The following FRMD3 variants were observed in gnomAD, a reference collection of about 807,000 sequenced individuals.
FRMD3 encodes the protein FERM domain containing 3, also known as FERM domain-containing protein 3.
FRMD3 carries 33 observed loss-of-function variants against 70.2 expected under a neutral mutation model. The ratio of observed to expected loss-of-function variants is 0.47; its 90% CI spans 0.36 to 0.63. The LOEUF (loss-of-function observed/expected upper bound fraction) is 0.63, where lower values mean the gene tolerates loss of function less well. Ranked by LOEUF, FRMD3 falls within the 20% of genes least tolerant of loss-of-function variation. The probability of loss-of-function intolerance (pLI) is 0.00; values close to 1 mark genes in which losing one functional copy is unlikely to be tolerated. For missense variants in FRMD3, 632 were observed against 711.4 expected (o/e 0.89, Z 1.27); for synonymous variants, 279 against 255.9 (o/e 1.09, Z -0.86).
chr9:83,545,770 G>T, the FRMD3 span, among the ~76,000 whole-genome samples: 1 of 152,084 alleles, frequency 6.6e-6, no homozygotes, highest in Non-Finnish European at 1.5e-5. Context: ...TTAAAAGTTT[G>T]GAAAACCTAT....
intron 1 of FRMD3, among the ~76,000 whole-genome samples, chr9:83,482,569 T>C (rs940751542): frequency 6.6e-6 from 1 of 152,148 alleles, no homozygotes; most frequent in African/African-American, 2.4e-5. Flanking sequence ...GTCAGTAAGA[T>C]AAGAAATGCA....
chr9:83,304,388 A>T (rs1361901021), intron 10 of FRMD3, among the ~76,000 whole-genome samples: 1 of 152,138 alleles, frequency 6.6e-6, no homozygotes, highest in Admixed American at 6.5e-5. Context: ...ACCGCACAGT[A>T]TCCCCTGGAA....
At chr9:83,546,056 T>C in the FRMD3 span, among the ~76,000 whole-genome samples, 28 of 149,692 alleles carry the variant, frequency 1.9e-4, no homozygotes, top group African/African-American at 6.7e-4. Flanking sequence ...CTATTTTCAG[T>C]CTTCAAAAAA....
intron 1 of FRMD3, among the ~76,000 whole-genome samples, chr9:83,524,034 T>C (rs1166097972): frequency 2.0e-5 from 3 of 152,228 alleles, no homozygotes; most frequent in African/African-American, 7.2e-5. Context: ...TGCCTAAGCC[T>C]TCAAAACAGA....
At chr9:83,382,463 T>C (rs1825387079) in intron 2 of FRMD3, among the ~76,000 whole-genome samples, 2 of 152,196 alleles carry the variant, frequency 1.3e-5, no homozygotes, top group African/African-American at 4.8e-5. Flanking sequence ...ATTAGTATCC[T>C]TATTTAATAG....
At chr9:83,476,221 TAAAAATAC>T (rs1346409279) in intron 1 of FRMD3, among the ~76,000 whole-genome samples, 58 of 151,980 alleles carry the variant, frequency 3.8e-4, no homozygotes, top group African/African-American at 1.2e-3. Context: ...CCGTCCCTAC[TAAAAATAC>T]AAAAATTAGC....
intron 2 of FRMD3, among the ~76,000 whole-genome samples, chr9:83,378,738 T>A (rs1311261486): frequency 6.7e-5 from 8 of 118,632 alleles, no homozygotes; most frequent in African/African-American, 3.1e-4. Context: ...TATATATACT[T>A]TATATTATAT....
the FRMD3 span, among the ~76,000 whole-genome samples, chr9:83,582,917 C>T: frequency 6.6e-6 from 1 of 152,106 alleles, no homozygotes; most frequent in African/African-American, 2.4e-5. Flanking sequence ...TTGTAAGAGA[C>T]GTTGCAATTT....
the FRMD3 span, among the ~76,000 whole-genome samples, chr9:83,570,309 A>G: frequency 6.6e-6 from 1 of 152,222 alleles, no homozygotes; most frequent in African/African-American, 2.4e-5. Flanking sequence ...GGAAATAAGC[A>G]GGGAAAGGAA....
chr9:83,254,443 A>G (rs910424512), intron 13 of FRMD3, among the ~76,000 whole-genome samples: 1 of 152,168 alleles, frequency 6.6e-6, no homozygotes, highest in South Asian at 2.1e-4. Flanking sequence ...GAAAGATCTC[A>G]AGTTAACAAG....
At chr9:83,466,208 C>T (rs1828122833) in intron 1 of FRMD3, among the ~76,000 whole-genome samples, 2 of 152,152 alleles carry the variant, frequency 1.3e-5, no homozygotes, top group African/African-American at 2.4e-5. Context: ...AAGGGATCCC[C>T]GAGGGAAGCA....
intron 6 of FRMD3, among the ~76,000 whole-genome samples, chr9:83,333,079 C>T (rs2131133746): frequency 6.6e-6 from 1 of 152,366 alleles, no homozygotes; most frequent in Non-Finnish European, 1.5e-5. Context: ...CAAGAAAGCT[C>T]CTCTCCCTCT....
At chr9:83,362,852 CTCCT>C (rs1179822143) in intron 3 of FRMD3, among the ~76,000 whole-genome samples, 4 of 121,762 alleles carry the variant, frequency 3.3e-5, no homozygotes, top group South Asian at 3.1e-4. Flanking sequence ...CCTTCCCTCC[CTCCT>C]TCCTTCCCTC....
Position 83,391,191 on chromosome 9 carries a change from T to G in FRMD3, c.148-1483A>C, listed in dbSNP as rs116584542. Reference sequence around the variant, plus strand: ...AGCTTCAAGTTTTTAACTTCCTTCCTGAGAAACCATCTGATATAGCTCAAA... The same window carrying G: ...AGCTTCAAGTTTTTAACTTCCTTCCGGAGAAACCATCTGATATAGCTCAAA... On this transcript the variant is annotated intron_variant, in intron 1 of 13. Coordinates refer to ENST00000304195, the MANE Select transcript of FRMD3 (RefSeq NM_174938.6). 5.8e-3 allele frequency among the ~76,000 whole-genome samples: 876 copies of G among 152,332 alleles called. 10 individuals are homozygous for G. Among genetic ancestry groups the G allele is most frequent in the African/African-American group, 0.02 (833 of 41,580 alleles).
At chr9:83,478,903 A>G (rs1828462833) in intron 1 of FRMD3, among the ~76,000 whole-genome samples, 2 of 152,144 alleles carry the variant, frequency 1.3e-5, no homozygotes, top group South Asian at 4.1e-4. Context: ...TGTTGTAATT[A>G]TTTATTTGTC....
the FRMD3 span, among the ~76,000 whole-genome samples, chr9:83,545,369 T>TG: frequency 6.7e-6 from 1 of 148,162 alleles, no homozygotes; most frequent in African/African-American, 2.5e-5. Flanking sequence ...TTTTTTTTTT[T>TG]TTTTTTGAGA....
intron 1 of FRMD3, among the ~76,000 whole-genome samples, chr9:83,417,771 C>T (rs912046126): frequency 7.9e-5 from 12 of 152,026 alleles, no homozygotes; most frequent in Non-Finnish European, 1.8e-4. Flanking sequence ...CAGGGGAACA[C>T]CAACATTTAA....
At chr9:83,384,620 G>A (rs1587800778) in intron 2 of FRMD3, among the ~76,000 whole-genome samples, 1 of 152,258 alleles carries the variant, frequency 6.6e-6, no homozygotes, top group East Asian at 1.9e-4. Flanking sequence ...GGGGGATCAG[G>A]ACTGAACATG....
the FRMD3 span, among the ~76,000 whole-genome samples, chr9:83,558,237 T>A: frequency 6.6e-6 from 1 of 151,576 alleles, no homozygotes; most frequent in African/African-American, 2.4e-5. Context: ...TTTTTTGAAT[T>A]TAAAAATGTG....
Sources: allele counts gnomAD v4.1 joint callset (sites outside exome capture counted in the v4.1 genomes callset), GRCh38; gene constraint gnomAD v4.1.1; transcripts MANE v1.5; gene names NCBI Gene and HGNC (gene_info 2026-07-23, HGNC 2026-07-21).